Variants in GALNT13 observed in about 807,000 individuals in gnomAD.
The protein encoded by GALNT13 is UDP-GalNAc:polypeptide N-acetylgalactosaminyltransferase 13.
In GALNT13, 28 loss-of-function variants were observed where a neutral mutation model predicts 64.2. That is an observed-to-expected ratio of 0.44 (90% CI 0.32 to 0.60). GALNT13 has a LOEUF of 0.60. Among genes scored for constraint, GALNT13 ranks in the 20% least tolerant of loss-of-function variants. The pLI is 0.05. For missense variants in GALNT13, 577 were observed against 669.8 expected, an observed-to-expected ratio of 0.86 and a Z score of 1.53; for synonymous variants, 214 against 224.6, an observed-to-expected ratio of 0.95 and a Z score of 0.42.
At chr2:153,240,924 GC>G in the GALNT13 span, among the ~76,000 whole-genome samples, 1 of 152,060 alleles carries the variant, frequency 6.6e-6, no homozygotes, top group South Asian at 2.1e-4. Context: ...TTTTCAGTTG[GC>G]GCTCCCTAAT....
intron 3 of GALNT13, among the ~76,000 whole-genome samples, chr2:153,981,183 A>T (rs1694435805): frequency 6.6e-6 from 1 of 151,988 alleles, no homozygotes; most frequent in African/African-American, 2.4e-5. Context: ...TCTCATGCAA[A>T]ATTGTGTTCA....
At chr2:153,903,729 A>G (rs531313123) in intron 2 of GALNT13, among the ~76,000 whole-genome samples, 4 of 152,074 alleles carry the variant, frequency 2.6e-5, no homozygotes, top group East Asian at 1.9e-4. Flanking sequence ...ATCTCAGGTA[A>G]CAGTTTTCTA....
chr2:153,837,958 C>T, the GALNT13 span, among the ~76,000 whole-genome samples: 3 of 151,932 alleles, frequency 2.0e-5, no homozygotes, highest in African/African-American at 7.2e-5. Flanking sequence ...TTAATAATAA[C>T]CTTTCTAACA....
Position 154,124,840 on chromosome 2 carries a change from A to G in GALNT13, c.143-15497A>G, listed in dbSNP as rs534875865. Among the ~76,000 whole-genome samples the G allele has an allele frequency of 8.5e-5, 13 of 152,240 alleles. No individual in the cohort carries two copies. In the South Asian group the frequency reaches 2.5e-3, roughly 29 times the overall value. ...ATTTTAAATGTATACCATAGTTTTG[A>G]TTAGATGAGATTCTGAATTGAGTTT... On this transcript the variant is annotated intron_variant, in intron 3 of 12. Coordinates refer to ENST00000392825, the MANE Select transcript of GALNT13 (RefSeq NM_052917.4).
chr2:153,358,837 C>T, the GALNT13 span, among the ~76,000 whole-genome samples: 3 of 152,138 alleles, frequency 2.0e-5, no homozygotes, highest in East Asian at 5.8e-4. Context: ...TCCCCTCCCT[C>T]CCTTTGTTTC....
chr2:153,901,608 G>T (rs1005341245), intron 2 of GALNT13, among the ~76,000 whole-genome samples: 14 of 152,060 alleles, frequency 9.2e-5, no homozygotes, highest in Non-Finnish European at 1.9e-4. Flanking sequence ...TGTCAGGCTA[G>T]AAATTGTTGT....
At chr2:154,135,225 G>A (rs941519634) in intron 3 of GALNT13, among the ~76,000 whole-genome samples, 2 of 151,786 alleles carry the variant, frequency 1.3e-5, no homozygotes, top group African/African-American at 4.8e-5. Context: ...TTGTAAATGA[G>A]CATGCATTAT....
intron 3 of GALNT13, among the ~76,000 whole-genome samples, chr2:153,982,412 T>C (rs758523159): frequency 1.3e-5 from 2 of 152,112 alleles, no homozygotes; most frequent in African/African-American, 2.4e-5. Flanking sequence ...ACTACCAATA[T>C]TGTGCTATGT....
At chr2:153,184,822 T>A in the GALNT13 span, among the ~76,000 whole-genome samples, 1 of 152,144 alleles carries the variant, frequency 6.6e-6, no homozygotes, top group Non-Finnish European at 1.5e-5. Context: ...CCAACTTGAT[T>A]TTAGTGGATA....
the GALNT13 span, among the ~76,000 whole-genome samples, chr2:153,228,232 A>G: frequency 6.6e-6 from 1 of 152,100 alleles, no homozygotes; most frequent in Non-Finnish European, 1.5e-5. Flanking sequence ...CCTGAGTGAC[A>G]CTCAGGGTTG....
chr2:153,289,849 T>G, the GALNT13 span, among the ~76,000 whole-genome samples: 3 of 151,968 alleles, frequency 2.0e-5, no homozygotes, highest in African/African-American at 7.3e-5. Context: ...AATGGTAAAA[T>G]AGTACCTAAG....
the GALNT13 span, among the ~76,000 whole-genome samples, chr2:153,143,900 A>G: frequency 5.9e-5 from 9 of 152,082 alleles, no homozygotes; most frequent in East Asian, 1.8e-3. Context: ...TTCTGCCCTC[A>G]GCGTATCTTT....
chr2:153,320,686 T>C, the GALNT13 span, among the ~76,000 whole-genome samples: 1 of 152,212 alleles, frequency 6.6e-6, no homozygotes, highest in Admixed American at 6.5e-5. Context: ...AAATTCTAAT[T>C]TAAAATTCGC....
intron 9 of GALNT13, among the ~76,000 whole-genome samples, chr2:154,355,718 G>A (rs1358139573): frequency 6.6e-6 from 1 of 152,024 alleles, no homozygotes; most frequent in East Asian, 1.9e-4. Flanking sequence ...TAGTTCGAGA[G>A]GCTGCATAAA....
chr2:153,118,146 C>CACACACACA, the GALNT13 span, among the ~76,000 whole-genome samples: 10 of 144,510 alleles, frequency 6.9e-5, no homozygotes, highest in South Asian at 4.2e-4. Flanking sequence ...CACACACACA[C>CACACACACA]CCCACATAAA....
chr2:154,289,106 T>C (rs1692451642), intron 8 of GALNT13, among the ~76,000 whole-genome samples: 1 of 152,232 alleles, frequency 6.6e-6, no homozygotes, highest in Non-Finnish European at 1.5e-5. Context: ...ACCTCAATTC[T>C]GGACTTCTTT....
chr2:153,072,149 A>G, the GALNT13 span, among the ~76,000 whole-genome samples: 1 of 152,240 alleles, frequency 6.6e-6, no homozygotes, highest in Non-Finnish European at 1.5e-5. Context: ...AAACAAAATA[A>G]TAAATAAGAT....
intron 4 of GALNT13, among the ~76,000 whole-genome samples, chr2:154,235,714 C>T (rs149320108): frequency 6.6e-6 from 1 of 152,210 alleles, no homozygotes; most frequent in African/African-American, 2.4e-5. Context: ...TGTTTGGAGT[C>T]CTGAATGGAT....
At chr2:153,270,816 C>T in the GALNT13 span, among the ~76,000 whole-genome samples, 2,798 of 152,222 alleles carry the variant, frequency 0.018, 83 homozygotes, top group African/African-American at 0.064. Context: ...GGTGCCACTG[C>T]ACTCAGCCTA....
Sources: gnomAD v4.1 joint callset for allele counts (sites outside exome capture counted in the v4.1 genomes callset) on GRCh38, gnomAD v4.1.1 for gene constraint, MANE v1.5 for transcripts, NCBI Gene and HGNC (gene_info 2026-07-23, HGNC 2026-07-21) for gene names.